Variants in LSAMP observed in about 807,000 individuals in gnomAD.
LSAMP encodes limbic system associated membrane protein, also known as limbic system-associated membrane protein.
A neutral mutation model predicts 38.6 loss-of-function variants in LSAMP; 7 were observed. That is an observed-to-expected ratio of 0.18 (90% confidence interval 0.10 to 0.34). LSAMP has a LOEUF of 0.34. Among genes scored for constraint, LSAMP ranks in the 10% least tolerant of loss-of-function variants. LSAMP has a pLI of 1.00. For synonymous variants in LSAMP, 154 were observed against 166.8 expected (o/e 0.92, Z 0.59); for missense variants, 313 against 420.0 (o/e 0.75, Z 2.23).
At chr3:116,295,509 T>C (rs2047319424) in intron 1 of LSAMP, among the ~76,000 whole-genome samples, 1 of 152,240 alleles carries the variant, frequency 6.6e-6, no homozygotes, top group South Asian at 2.1e-4. Flanking sequence ...AACTTTCTAT[T>C]ATGTGGTCAG....
chr3:116,408,561 G>A (rs2048928420), intron 1 of LSAMP, among the ~76,000 whole-genome samples: 1 of 151,988 alleles, frequency 6.6e-6, no homozygotes, highest in African/African-American at 2.4e-5. Context: ...TCAACACATT[G>A]AAAAACATCC....
At chr3:116,038,752 C>T (rs1941102281) in intron 2 of LSAMP, among the ~76,000 whole-genome samples, 1 of 152,160 alleles carries the variant, frequency 6.6e-6, no homozygotes, top group Non-Finnish European at 1.5e-5. Context: ...GTCAGAAAGA[C>T]CACGAAGGGC....
At chr3:115,827,332 A>G (rs1576117435) in intron 6 of LSAMP, among the ~76,000 whole-genome samples, 1 of 116,676 alleles carries the variant, frequency 8.6e-6, no homozygotes, top group Non-Finnish European at 1.9e-5. Context: ...GTTATTTTCT[A>G]CTGCTTTTTT....
At chr3:116,330,651 A>G (rs1269775281) in intron 1 of LSAMP, among the ~76,000 whole-genome samples, 1 of 152,176 alleles carries the variant, frequency 6.6e-6, no homozygotes, top group Non-Finnish European at 1.5e-5. Context: ...GGAAAATTAG[A>G]AAGTGACAGC....
rs539736429 is a variant in LSAMP, at chr3:116,439,389, T to C, written c.155+5488A>G. 2.4e-4 allele frequency among the ~76,000 whole-genome samples: 37 copies of C among 151,690 alleles called. 1 individual carries two copies. Among genetic ancestry groups the C allele is most frequent in the Admixed American group, 1.2e-3 (19 of 15,228 alleles). On this transcript the variant is annotated intron_variant, in intron 1 of 6. Coordinates refer to ENST00000490035, the MANE Select transcript of LSAMP (RefSeq NM_002338.5). Reference sequence around the variant, plus strand: ...TGTGGATCACACTTGTAGTATCCTGTAGTATCAGCATCACCTGAGAACTTG... The same window carrying C: ...TGTGGATCACACTTGTAGTATCCTGCAGTATCAGCATCACCTGAGAACTTG...
chr3:116,427,199 CA>C (rs2049210452), intron 1 of LSAMP, among the ~76,000 whole-genome samples: 1 of 144,644 alleles, frequency 6.9e-6, no homozygotes. Context: ...CGGCTCACTG[CA>C]AGCTCCGCTT....
intron 1 of LSAMP, among the ~76,000 whole-genome samples, chr3:116,161,845 A>C (rs1310913146): frequency 6.6e-6 from 1 of 152,112 alleles, no homozygotes; most frequent in Non-Finnish European, 1.5e-5. Flanking sequence ...TATTCATTGG[A>C]TCTGTGCTGG....
At chr3:116,245,771 A>G (rs1316145570) in intron 1 of LSAMP, among the ~76,000 whole-genome samples, 2 of 152,224 alleles carry the variant, frequency 1.3e-5, no homozygotes, top group Non-Finnish European at 2.9e-5. Flanking sequence ...AAGAGAACCC[A>G]AACTGAGGCA....
At chr3:116,202,942 C>G (rs1312522141) in intron 1 of LSAMP, among the ~76,000 whole-genome samples, 1 of 152,132 alleles carries the variant, frequency 6.6e-6, no homozygotes, top group African/African-American at 2.4e-5. Flanking sequence ...GAAATGTGTT[C>G]TTTGTTGCTG....
At chr3:116,413,704 C>T (rs917981598) in intron 1 of LSAMP, among the ~76,000 whole-genome samples, 1 of 152,004 alleles carries the variant, frequency 6.6e-6, no homozygotes, top group Admixed American at 6.6e-5. Flanking sequence ...GGTATGGGTA[C>T]AAATTATCCA....
intron 1 of LSAMP, among the ~76,000 whole-genome samples, chr3:116,285,807 C>G (rs985593253): frequency 6.6e-6 from 1 of 152,100 alleles, no homozygotes; most frequent in Non-Finnish European, 1.5e-5. Context: ...CACCCCACTA[C>G]ACAAAACAGT....
In LSAMP at chr3:115,982,920, G is replaced by A. The variant is rs190062545; in HGVS notation, c.514+36595C>T. Among the ~76,000 whole-genome samples the A allele has an allele frequency of 1.0e-3, 136 of 135,388 alleles. 1 individual carries two copies. The highest frequency in any genetic ancestry group is 3.4e-3 in the African/African-American group (125 of 36,564). 88.8% of individuals were successfully genotyped at this position (135,388 alleles called of 152,430 possible). On this transcript the variant is annotated intron_variant, in intron 3 of 6. Transcript: ENST00000490035. ...CTTTTCTCCGTCTTAACCAATCATT[G>A]CCTATGGAGACTTTTTTTTTTTTTT...
intron 3 of LSAMP, among the ~76,000 whole-genome samples, chr3:115,902,360 A>G (rs1314422009): frequency 6.6e-6 from 1 of 152,138 alleles, no homozygotes; most frequent in Non-Finnish European, 1.5e-5. Flanking sequence ...TTTACTCTTT[A>G]AAAAGGTTAT....
intron 1 of LSAMP, among the ~76,000 whole-genome samples, chr3:116,382,267 A>G (rs541825130): frequency 2.0e-5 from 3 of 152,216 alleles, no homozygotes; most frequent in South Asian, 2.1e-4. Flanking sequence ...ATGTCCATCA[A>G]TGGTAGACTG....
intron 3 of LSAMP, among the ~76,000 whole-genome samples, chr3:116,006,918 C>G (rs1940175975): frequency 1.3e-5 from 2 of 152,172 alleles, no homozygotes; most frequent in Non-Finnish European, 2.9e-5. Flanking sequence ...TTTCAAGTCT[C>G]TCATCCCCTG....
chr3:116,266,898 T>TAACA (rs1404158317), intron 1 of LSAMP, among the ~76,000 whole-genome samples: 7 of 152,092 alleles, frequency 4.6e-5, no homozygotes, highest in Admixed American at 1.3e-4. Context: ...TAGTAAACAC[T>TAACA]AACAATATTA....
chr3:116,004,269 T>C (rs1410820243), intron 3 of LSAMP, among the ~76,000 whole-genome samples: 1 of 152,000 alleles, frequency 6.6e-6, no homozygotes, highest in African/African-American at 2.4e-5. Flanking sequence ...GGGTAAAAAT[T>C]CAGGCCAAGG....
chr3:116,030,567 T>G (rs370548665), intron 2 of LSAMP, among the ~76,000 whole-genome samples: 2 of 152,160 alleles, frequency 1.3e-5, no homozygotes, highest in South Asian at 2.1e-4. Flanking sequence ...AAAATAACTT[T>G]TATGTTTCTG....
At chr3:116,266,829 G>C (rs994525370) in intron 1 of LSAMP, among the ~76,000 whole-genome samples, 1 of 152,062 alleles carries the variant, frequency 6.6e-6, no homozygotes, top group African/African-American at 2.4e-5. Context: ...ATTACAAAGC[G>C]TAAACAGGAA....
Sources: gnomAD v4.1 joint callset for allele counts (sites outside exome capture counted in the v4.1 genomes callset) on GRCh38, gnomAD v4.1.1 for gene constraint, MANE v1.5 for transcripts, NCBI Gene and HGNC (gene_info 2026-07-23, HGNC 2026-07-21) for gene names.